Variants in PAPOLA observed in about 807,000 individuals in gnomAD.
PAPOLA encodes poly(A) polymerase alpha.
A neutral mutation model predicts 100.6 loss-of-function variants in PAPOLA; 15 were observed. The observed-to-expected ratio is 0.15, with a 90% confidence interval of 0.10 to 0.23. The LOEUF (loss-of-function observed/expected upper bound fraction) is 0.23, where lower values mean the gene tolerates loss of function less well. Among genes scored for constraint, PAPOLA ranks in the 10% least tolerant of loss-of-function variants. The pLI, the probability that PAPOLA is intolerant of heterozygous loss-of-function variation, is 1.00. For missense variants in PAPOLA, 533 were observed against 884.2 expected (o/e 0.60, Z 5.04); for synonymous variants, 293 against 300.0 (o/e 0.98, Z 0.24).
chr14:96,527,246 A>G (rs1898570123), intron 4 of PAPOLA, 184 bp from the exon 5 acceptor site: 2 of 576,438 alleles, frequency 3.5e-6, no homozygotes, highest in African/African-American at 3.8e-5. Context: ...GGATCAAAAT[A>G]TACCACATCA....
At chr14:96,541,754 G>A (rs1355229399) in intron 12 of PAPOLA, among the ~76,000 whole-genome samples, 1 of 151,890 alleles carries the variant, frequency 6.6e-6, no homozygotes, top group Non-Finnish European at 1.5e-5. Flanking sequence ...GCAGTATTCA[G>A]TTTAATTTTC....
intron 21 of PAPOLA, among the ~76,000 whole-genome samples, chr14:96,563,612 G>A (rs1425702326): frequency 6.6e-6 from 1 of 152,086 alleles, no homozygotes. Flanking sequence ...GTACTGATAT[G>A]ATACTATGTA....
At chr14:96,527,868 G>A in intron 5 of PAPOLA, 85 bp from the exon 6 acceptor site, 2 of 880,038 alleles carry the variant, frequency 2.3e-6, no homozygotes, top group East Asian at 2.4e-5. Flanking sequence ...CTATTTTTGT[G>A]TCAGGTGTTT....
chr14:96,518,936 A>G (rs572942917), intron 1 of PAPOLA, among the ~76,000 whole-genome samples: 59 of 152,008 alleles, frequency 3.9e-4, no homozygotes, highest in Admixed American at 3.9e-3. Flanking sequence ...ATGCACCTGT[A>G]GTCCCAGCTA....
Position 96,556,182 on chromosome 14 carries a change from G to A in PAPOLA, c.1773G>A (p.Ser591=), listed in dbSNP as rs749973837. The A allele has an allele frequency of 9.9e-6, 16 of 1,612,640 alleles. No individual in the cohort carries two copies. The highest frequency in any genetic ancestry group is 2.2e-5 in the East Asian group (1 of 44,870). Residue 591 remains serine (S), a synonymous_variant, in exon 19 of 22, where the codon TCG becomes TCA. Transcript: ENST00000216277. Reference sequence around the variant, plus strand: ...CATATATTTGCTGCTTAGGTACATCGAGTGAAAGCATTCCTCAAACTGCCA... The same window carrying A: ...CATATATTTGCTGCTTAGGTACATCAAGTGAAAGCATTCCTCAAACTGCCA... ...VNSSESSGGT[S]SESIPQTATQ...
chr14:96,536,062 G>A (rs1210363405), intron 11 of PAPOLA, 63 bp downstream of exon 11: 2 of 1,231,592 alleles, frequency 1.6e-6, no homozygotes, highest in Non-Finnish European at 2.2e-6. Flanking sequence ...TGTAGACCCA[G>A]TAGTCAGCTG....
At chr14:96,559,581 C>CTCTCTCTCTCTATATA (rs370979875) in intron 19 of PAPOLA, among the ~76,000 whole-genome samples, 105 of 120,170 alleles carry the variant, frequency 8.7e-4, no homozygotes, top group African/African-American at 3.3e-3. Context: ...CTCTCTCTCT[C>CTCTCTCTCTCTATATA]TATATATATA....
chr14:96,536,899 G>A (rs1899585837), intron 11 of PAPOLA, 77 bp from the exon 12 acceptor site: 3 of 817,040 alleles, frequency 3.7e-6, no homozygotes, highest in Admixed American at 3.8e-5. Flanking sequence ...GTGAGTGCAT[G>A]TAGTATGATT....
In PAPOLA at chr14:96,528,005, A is replaced by T; in HGVS notation, c.494A>T (p.Glu165Val). The T allele has an allele frequency of 6.3e-7, 1 of 1,591,180 alleles. No individual in the cohort carries two copies. Among genetic ancestry groups the T allele is most frequent in the Non-Finnish European group, 8.6e-7 (1 of 1,159,350 alleles). ...PVIKLCFDGI[E>V]IDILFARLAL... ...ATTAAACTCTGTTTTGATGGGATAG[A>T]GGTAAGGTATAGTTCAAATTGACAG... Residue 165 changes from glutamate (E) to valine (V), a missense_variant and splice_region_variant, in exon 6 of 22, where the codon GAG becomes GTG. Glu to Val is a moderately radical substitution (Grantham distance 121, BLOSUM62 -2). Around this residue, in one of 9 missense-constraint regions of PAPOLA, gnomAD observed 33 missense variants for 39.2 expected, o/e 0.84. Coordinates refer to ENST00000216277, the MANE Select transcript of PAPOLA (RefSeq NM_032632.5).
chr14:96,523,945 G>GAA (rs35388599), intron 3 of PAPOLA, among the ~76,000 whole-genome samples: 10 of 116,062 alleles, frequency 8.6e-5, no homozygotes, highest in African/African-American at 1.9e-4. Flanking sequence ...CTCTGTCTCA[G>GAA]AAAAAAAAAA....
At chr14:96,542,440 T>C (rs1346536665) in intron 13 of PAPOLA, 144 bp downstream of exon 13, 3 of 594,266 alleles carry the variant, frequency 5.0e-6, no homozygotes, top group Non-Finnish European at 8.9e-6. Context: ...CTGTGTGTAG[T>C]GGAAGTACAG....
intron 20 of PAPOLA, among the ~76,000 whole-genome samples, chr14:96,561,151 T>C (rs1238869986): frequency 2.0e-5 from 3 of 152,158 alleles, no homozygotes; most frequent in African/African-American, 4.8e-5. Flanking sequence ...GAATTTGTTA[T>C]GATTATAGAA....
intron 2 of PAPOLA, 118 bp downstream of exon 2, chr14:96,520,346 A>G (rs1161652012): frequency 1.3e-6 from 1 of 748,876 alleles, no homozygotes; most frequent in Non-Finnish European, 2.1e-6. Context: ...AGATCTATAT[A>G]TCTGTTTTGG....
chr14:96,559,626 T>C (rs1437956561), intron 19 of PAPOLA, among the ~76,000 whole-genome samples: 20 of 148,300 alleles, frequency 1.3e-4, no homozygotes, highest in African/African-American at 4.7e-4. Flanking sequence ...TGTATATATA[T>C]ATATGTGTAT....
chr14:96,536,277 C>T (rs1899520040), intron 11 of PAPOLA, among the ~76,000 whole-genome samples: 1 of 152,006 alleles, frequency 6.6e-6, no homozygotes, highest in Non-Finnish European at 1.5e-5. Flanking sequence ...TAAATGATAA[C>T]AGTTTGTCTA....
At position 96,562,865 on chromosome 14, in the gene PAPOLA, A is replaced by C. The variant is rs1012954474; in HGVS notation, c.2114A>C (p.Gln705Pro). 4 of 1,612,364 alleles carry C rather than the reference A, an allele frequency of 2.5e-6. No individual in the cohort carries two copies. Among genetic ancestry groups the C allele is most frequent in the Non-Finnish European group, 3.4e-6 (4 of 1,178,862 alleles). ...AGTACAACTCAATCAGAAACTATTC[A>C]GACAGCGGCTTCTCTGTTGGCCTCT... is the stretch of plus-strand genomic sequence containing the variant. ...ETSTTQSETI[Q>P]TAASLLASQK... Residue 705 changes from glutamine (Q) to proline (P), a missense_variant, in exon 21 of 22, where the codon CAG becomes CCG. By Grantham distance (76) the Gln-to-Pro change is moderately conservative. This residue lies in a region of PAPOLA where 242 missense variants were observed against 281.0 expected (regional missense o/e 0.86). Coordinates refer to ENST00000216277, the MANE Select transcript of PAPOLA (RefSeq NM_032632.5).
intron 10 of PAPOLA, chr14:96,535,365 T>G (rs1899425669): frequency 1.0e-6 from 1 of 979,550 alleles, no homozygotes; most frequent in Non-Finnish European, 1.2e-6. Flanking sequence ...ATATACAGAT[T>G]TAAAATTAAC....
intron 3 of PAPOLA, among the ~76,000 whole-genome samples, chr14:96,522,413 T>C (rs1417865673): frequency 1.3e-5 from 2 of 151,808 alleles, no homozygotes; most frequent in African/African-American, 2.4e-5. Context: ...GGTACTGTTC[T>C]GTCCTCTTTT....
chr14:96,540,412 C>A (rs1899884647), intron 12 of PAPOLA, among the ~76,000 whole-genome samples: 2 of 143,512 alleles, frequency 1.4e-5, no homozygotes, highest in Admixed American at 1.4e-4. Context: ...ATGTTCTTTA[C>A]CTTTTTTTTT....
Sources: allele counts gnomAD v4.1 joint callset (sites outside exome capture counted in the v4.1 genomes callset), GRCh38; gene constraint gnomAD v4.1.1; regional missense constraint gnomAD v4.1.1; transcripts MANE v1.5; gene names NCBI Gene and HGNC (gene_info 2026-07-23, HGNC 2026-07-21).